MCM5: variants seen among roughly 807,000 people sequenced by gnomAD.
The protein encoded by MCM5 is DNA replication licensing factor MCM5.
Under a neutral mutation model 79.9 loss-of-function variants are expected in MCM5, and 46 were observed. That is an observed-to-expected ratio of 0.58 (90% CI 0.45 to 0.74). The LOEUF (loss-of-function observed/expected upper bound fraction) is 0.74, where lower values mean the gene tolerates loss of function less well. Ranked by LOEUF, MCM5 falls within the 30% of genes least tolerant of loss-of-function variation. MCM5 has a pLI of 0.00. For synonymous variants in MCM5, 404 were observed against 390.5 expected, an observed-to-expected ratio of 1.03 and a Z score of -0.41; for missense variants, 883 against 1,017.0, an observed-to-expected ratio of 0.87 and a Z score of 1.79.
the MCM5 span, among the ~76,000 whole-genome samples, chr22:35,452,509 C>A: frequency 6.6e-6 from 1 of 152,166 alleles, no homozygotes; most frequent in African/African-American, 2.4e-5. Context: ...CGTTCCTCCA[C>A]GGTAAAGTGA....
chr22:35,438,602 C>CCACCCACCCACACATTCATCCATCCAT, the MCM5 span, among the ~76,000 whole-genome samples: 12 of 57,076 alleles, frequency 2.1e-4, no homozygotes, highest in Non-Finnish European at 2.8e-4. Context: ...CATGCATCCA[C>CCACCCACCCACACATTCATCCATCCAT]CCACCCACAT....
At chr22:35,431,001 C>T in the MCM5 span, among the ~76,000 whole-genome samples, 1 of 152,178 alleles carries the variant, frequency 6.6e-6, no homozygotes, top group African/African-American at 2.4e-5. Context: ...GAGGGGGCGC[C>T]AGAGCACCAG....
the MCM5 span, among the ~76,000 whole-genome samples, chr22:35,447,807 G>C: frequency 2.0e-5 from 3 of 152,144 alleles, no homozygotes; most frequent in East Asian, 5.8e-4. Flanking sequence ...CACAGCCTTC[G>C]GGTTGGGGCA....
downstream of MCM5, among the ~76,000 whole-genome samples, chr22:35,426,147 G>C (rs1932778193): frequency 6.6e-6 from 1 of 152,154 alleles, no homozygotes; most frequent in Admixed American, 6.5e-5. Context: ...AGGCCAAAGG[G>C]GGTCCGACTG....
the MCM5 span, among the ~76,000 whole-genome samples, chr22:35,435,310 G>A: frequency 6.6e-6 from 1 of 152,168 alleles, no homozygotes; most frequent in Admixed American, 6.5e-5. Context: ...AACCCCAGGG[G>A]TCCAGTGTGC....
chr22:35,447,454 T>C, the MCM5 span, among the ~76,000 whole-genome samples: 3 of 55,228 alleles, frequency 5.4e-5, no homozygotes, highest in Admixed American at 4.1e-4. Context: ...TGTTATTTTA[T>C]TTATGTATTT....
chr22:35,439,063 T>TCATC, the MCM5 span, among the ~76,000 whole-genome samples: 230 of 108,488 alleles, frequency 2.1e-3, 1 homozygote, highest in African/African-American at 6.9e-3. Context: ...ACCCACATAT[T>TCATC]CATCCATCCA....
chr22:35,432,707 G>A, the MCM5 span, among the ~76,000 whole-genome samples: 1 of 152,178 alleles, frequency 6.6e-6, no homozygotes, highest in Non-Finnish European at 1.5e-5. Flanking sequence ...GGCTCTGTGT[G>A]TGTGTGTGCG....
At chr22:35,450,660 A>C in the MCM5 span, among the ~76,000 whole-genome samples, 1 of 152,206 alleles carries the variant, frequency 6.6e-6, no homozygotes, top group Non-Finnish European at 1.5e-5. Context: ...TCGAATGAGA[A>C]GATCCAACCA....
the MCM5 span, among the ~76,000 whole-genome samples, chr22:35,438,427 CCATCCACATATT>C: frequency 6.6e-6 from 1 of 150,750 alleles, no homozygotes; most frequent in Non-Finnish European, 1.5e-5. Flanking sequence ...ATCCATCCAT[CCATCCACATATT>C]CATCCATCCA....
chr22:35,440,519 C>A, the MCM5 span, among the ~76,000 whole-genome samples: 1 of 152,196 alleles, frequency 6.6e-6, no homozygotes, highest in African/African-American at 2.4e-5. Flanking sequence ...GGTACGGACC[C>A]TGCCTTCCAT....
chr22:35,407,529 G>A (rs1029383930), intron 5 of MCM5, among the ~76,000 whole-genome samples: 3 of 152,088 alleles, frequency 2.0e-5, no homozygotes, highest in South Asian at 2.1e-4. Flanking sequence ...CTCCAGGCCC[G>A]GCCTCACTGC....
the MCM5 span, among the ~76,000 whole-genome samples, chr22:35,434,978 C>A: frequency 6.6e-6 from 1 of 152,188 alleles, no homozygotes; most frequent in East Asian, 1.9e-4. Flanking sequence ...GTGGCAAAAC[C>A]CCATCTCTAC....
chr22:35,400,890 G>C (rs915504960), intron 2 of MCM5, among the ~76,000 whole-genome samples: 1 of 152,208 alleles, frequency 6.6e-6, no homozygotes, highest in Non-Finnish European at 1.5e-5. Context: ...CACGATCTCG[G>C]CTCACTGCAA....
the MCM5 span, among the ~76,000 whole-genome samples, chr22:35,438,223 CCATCCACCCACCCACCCACATATT>C: frequency 7.6e-6 from 1 of 130,774 alleles, no homozygotes; most frequent in African/African-American, 3.0e-5. Flanking sequence ...GCATATCCAT[CCATCCACCCACCCACCCACATATT>C]CATCCACCCA....
intron 12 of MCM5, among the ~76,000 whole-genome samples, chr22:35,417,164 C>T (rs1932568179): frequency 6.6e-6 from 1 of 152,166 alleles, no homozygotes; most frequent in Non-Finnish European, 1.5e-5. Context: ...AAGAAAAAAA[C>T]ATAGTGGTTT....
At chr22:35,417,094 A>G (rs1452507427) in intron 12 of MCM5, among the ~76,000 whole-genome samples, 1 of 152,214 alleles carries the variant, frequency 6.6e-6, no homozygotes, top group Non-Finnish European at 1.5e-5. Context: ...TATATGAAAC[A>G]GAGGAGTTGA....
At chr22:35,446,408 CTA>C in the MCM5 span, among the ~76,000 whole-genome samples, 4 of 152,140 alleles carry the variant, frequency 2.6e-5, no homozygotes, top group Non-Finnish European at 4.4e-5. Flanking sequence ...TCTCCTGACT[CTA>C]GCACTGTCTC....
At chr22:35,431,081 G>A in the MCM5 span, among the ~76,000 whole-genome samples, 1 of 152,144 alleles carries the variant, frequency 6.6e-6, no homozygotes, top group African/African-American at 2.4e-5. Flanking sequence ...CGCTCCCAGG[G>A]ACTTCCCGGC....
Sources: allele counts gnomAD v4.1 joint callset (sites outside exome capture counted in the v4.1 genomes callset), GRCh38; gene constraint gnomAD v4.1.1; transcripts MANE v1.5; gene names NCBI Gene and HGNC (gene_info 2026-07-23, HGNC 2026-07-21).